Variants in PCCA observed in about 807,000 individuals in gnomAD.
PCCA encodes the protein propionyl-CoA carboxylase alpha chain, mitochondrial.
PCCA carries 74 observed loss-of-function variants against 101.3 expected under a neutral mutation model. That is an observed-to-expected ratio of 0.73 (90% CI 0.61 to 0.89). The LOEUF (loss-of-function observed/expected upper bound fraction) is 0.89, where lower values mean the gene tolerates loss of function less well. Among genes scored for constraint, PCCA ranks in the 40% least tolerant of loss-of-function variants. PCCA has a pLI of 0.00. For missense variants in PCCA, 891 were observed against 907.0 expected, an observed-to-expected ratio of 0.98 and a Z score of 0.23; for synonymous variants, 294 against 313.6, an observed-to-expected ratio of 0.94 and a Z score of 0.66.
chr13:100,372,374 A>AAACAG (rs980778790), intron 19 of PCCA, among the ~76,000 whole-genome samples: 1 of 151,922 alleles, frequency 6.6e-6, no homozygotes, highest in Admixed American at 6.6e-5. Flanking sequence ...AAACAAAACA[A>AAACAG]AACAAAAAAA....
At chr13:100,200,363 C>CA (rs1439595172) in intron 6 of PCCA, among the ~76,000 whole-genome samples, 7 of 152,286 alleles carry the variant, frequency 4.6e-5, no homozygotes, top group African/African-American at 1.7e-4. Flanking sequence ...CTTGGCCTCC[C>CA]AAAGTGCTGG....
chr13:100,458,294 TACACACACACACACACACACACAC>T (rs57961819), intron 21 of PCCA, among the ~76,000 whole-genome samples: 5,583 of 86,508 alleles, frequency 0.065, 176 homozygotes, highest in Non-Finnish European at 0.088. Context: ...ACCCCATCTC[TACACACACACACACACACACACAC>T]ACACACACAC....
At chr13:100,140,787 C>T (rs1447452465) in intron 4 of PCCA, among the ~76,000 whole-genome samples, 1 of 152,056 alleles carries the variant, frequency 6.6e-6, no homozygotes, top group Admixed American at 6.6e-5. Flanking sequence ...GTTAGAATGG[C>T]CAGGGGTGTT....
intron 19 of PCCA, among the ~76,000 whole-genome samples, chr13:100,371,440 T>C (rs1291346378): frequency 6.6e-6 from 1 of 152,206 alleles, no homozygotes. Flanking sequence ...GGGTATCTTG[T>C]GTCAGGGACT....
chr13:100,139,913 GT>G (rs200635877), intron 4 of PCCA, among the ~76,000 whole-genome samples: 101 of 142,594 alleles, frequency 7.1e-4, no homozygotes, highest in African/African-American at 2.1e-3. Flanking sequence ...GTTTTTTTTT[GT>G]TTTTTTTTTT....
chr13:100,135,401 A>G (rs1157268573), intron 4 of PCCA, among the ~76,000 whole-genome samples: 1 of 152,074 alleles, frequency 6.6e-6, no homozygotes, highest in Non-Finnish European at 1.5e-5. Flanking sequence ...CTTTAAAAAA[A>G]TTATTGTTTA....
intron 12 of PCCA, among the ~76,000 whole-genome samples, chr13:100,291,055 G>A (rs1002644069): frequency 6.6e-6 from 1 of 152,170 alleles, no homozygotes; most frequent in African/African-American, 2.4e-5. Flanking sequence ...GCACAATATA[G>A]TATAACAACA....
chr13:100,333,062 A>G (rs2069884680), intron 17 of PCCA, among the ~76,000 whole-genome samples: 1 of 152,206 alleles, frequency 6.6e-6, no homozygotes, highest in South Asian at 2.1e-4. Flanking sequence ...TATTGCCTCT[A>G]AATACTTTAG....
chr13:100,280,547 A>C (rs543514787), intron 12 of PCCA, among the ~76,000 whole-genome samples: 1 of 152,182 alleles, frequency 6.6e-6, no homozygotes, highest in South Asian at 2.1e-4. Flanking sequence ...CCCCTCTCTG[A>C]CCATACTTCT....
At chr13:100,382,512 A>G (rs2076285119) in intron 19 of PCCA, among the ~76,000 whole-genome samples, 1 of 152,078 alleles carries the variant, frequency 6.6e-6, no homozygotes, top group Non-Finnish European at 1.5e-5. Flanking sequence ...TGAGGGTGGA[A>G]CTTCACCAGG....
At chr13:100,366,085 C>T (rs368873788) in intron 18 of PCCA, among the ~76,000 whole-genome samples, 2 of 152,114 alleles carry the variant, frequency 1.3e-5, no homozygotes, top group African/African-American at 2.4e-5. Context: ...GGGTAGAAAA[C>T]GATCAAATGA....
rs542634863 is a variant in PCCA, at chr13:100,359,600, C to T, written c.1644-8872C>T. Among the ~76,000 whole-genome samples the T allele has an allele frequency of 7.8e-4, 119 of 152,174 alleles. 1 individual carries two copies. Among genetic ancestry groups the T allele is most frequent in the African/African-American group, 2.6e-3 (107 of 41,530 alleles). On this transcript the variant is annotated intron_variant, in intron 18 of 23. Transcript: ENST00000376285. Reference sequence around the variant, plus strand: ...GCATAAAAATAGGCAAAGCAGACACCGTCACTAGTTAGAGTATGAAGGCAT... The same window carrying T: ...GCATAAAAATAGGCAAAGCAGACACTGTCACTAGTTAGAGTATGAAGGCAT...
chr13:100,137,897 C>G (rs1372383866), intron 4 of PCCA, among the ~76,000 whole-genome samples: 1 of 151,712 alleles, frequency 6.6e-6, no homozygotes, highest in African/African-American at 2.4e-5. Context: ...GCAGCCTCAG[C>G]CTCCTGGGCC....
intron 16 of PCCA, among the ~76,000 whole-genome samples, chr13:100,317,804 T>C (rs993697972): frequency 1.3e-5 from 2 of 152,096 alleles, no homozygotes; most frequent in Non-Finnish European, 2.9e-5. Context: ...CCTAGACTGG[T>C]CTTGAACTCC....
At chr13:100,348,871 CCTTT>C (rs2072847008) in intron 18 of PCCA, among the ~76,000 whole-genome samples, 2 of 78,372 alleles carry the variant, frequency 2.6e-5, no homozygotes, top group Admixed American at 2.8e-4. Flanking sequence ...TCCTCCCTTT[CCTTT>C]CTTTCTTTTC....
intron 17 of PCCA, among the ~76,000 whole-genome samples, chr13:100,332,148 A>G (rs964643781): frequency 6.6e-6 from 1 of 152,098 alleles, no homozygotes; most frequent in Non-Finnish European, 1.5e-5. Flanking sequence ...CATGTTGGCC[A>G]GGCTTGAACT....
chr13:100,111,634 A>G (rs897422789), intron 2 of PCCA, among the ~76,000 whole-genome samples: 3 of 152,186 alleles, frequency 2.0e-5, no homozygotes, highest in Admixed American at 1.3e-4. Flanking sequence ...CGGTTATACT[A>G]TTTAATAACC....
intron 19 of PCCA, among the ~76,000 whole-genome samples, chr13:100,425,214 G>A (rs2079062036): frequency 6.6e-6 from 1 of 152,160 alleles, no homozygotes; most frequent in African/African-American, 2.4e-5. Flanking sequence ...ACAATGCATA[G>A]TCCTTCATTA....
chr13:100,141,419 A>C (rs1452339713), intron 4 of PCCA, among the ~76,000 whole-genome samples: 1 of 151,756 alleles, frequency 6.6e-6, no homozygotes, highest in Non-Finnish European at 1.5e-5. Flanking sequence ...TTATGTATTT[A>C]TTTATTTATC....
Sources: allele counts gnomAD v4.1 joint callset (sites outside exome capture counted in the v4.1 genomes callset), GRCh38; gene constraint gnomAD v4.1.1; transcripts MANE v1.5; gene names NCBI Gene and HGNC (gene_info 2026-07-23, HGNC 2026-07-21).